ETV6: variants seen among roughly 807,000 people sequenced by gnomAD.
The protein encoded by ETV6 is ETS variant transcription factor 6.
A neutral mutation model predicts 51.1 loss-of-function variants in ETV6; 16 were observed. The ratio of observed to expected loss-of-function variants is 0.31; its 90% confidence interval spans 0.21 to 0.48. The LOEUF (loss-of-function observed/expected upper bound fraction) is 0.48, where lower values mean the gene tolerates loss of function less well. ETV6 is among the 20% of genes least tolerant of loss of function. The pLI, the probability that ETV6 is intolerant of heterozygous loss-of-function variation, is 0.99. For missense variants in ETV6, 458 were observed against 594.8 expected (o/e 0.77, Z 2.39); for synonymous variants, 240 against 224.1 (o/e 1.07, Z -0.64).
chr12:11,669,247 T>C (rs980720693), intron 1 of ETV6, among the ~76,000 whole-genome samples: 1 of 152,144 alleles, frequency 6.6e-6, no homozygotes, highest in Admixed American at 6.6e-5. Flanking sequence ...CAAGCTTGGA[T>C]TGTAAGCGAC....
At chr12:11,794,757 T>G (rs1293425971) in intron 2 of ETV6, among the ~76,000 whole-genome samples, 3 of 152,250 alleles carry the variant, frequency 2.0e-5, no homozygotes, top group African/African-American at 7.2e-5. Flanking sequence ...ACCATTATTT[T>G]ACTTGGTGGT....
chr12:11,887,560 C>T (rs1947214154), intron 7 of ETV6, among the ~76,000 whole-genome samples: 1 of 151,790 alleles, frequency 6.6e-6, no homozygotes, highest in Admixed American at 6.6e-5. Flanking sequence ...CCATCCTGGC[C>T]AACATGGTGA....
Position 11,823,754 on chromosome 12 carries a change from C to T in ETV6, c.164-15386C>T, listed in dbSNP as rs554186829. ...ATGCGGGATTACAGGTGTGAGCCAC[C>T]GCACCCGGCCAGTAATTCCTTCTAT... On this transcript the variant is annotated intron_variant, in intron 2 of 7. Transcript: ENST00000396373. Among the ~76,000 whole-genome samples the T allele has an allele frequency of 4.6e-5, 7 of 152,256 alleles. No homozygotes were observed. The South Asian group carries it at 6.2e-4, about 14-fold the overall frequency.
chr12:11,865,701 G>A (rs1429908658), intron 4 of ETV6, among the ~76,000 whole-genome samples: 1 of 148,334 alleles, frequency 6.7e-6, no homozygotes, highest in Non-Finnish European at 1.5e-5. Context: ...TATGGTGTGT[G>A]TGTATATATA....
At chr12:11,877,150 G>C (rs1048445926) in intron 5 of ETV6, among the ~76,000 whole-genome samples, 14 of 152,174 alleles carry the variant, frequency 9.2e-5, no homozygotes, top group Non-Finnish European at 1.5e-5. Context: ...GAAGAAAAAA[G>C]TATGAAACTC....
chr12:11,754,313 GA>G (rs929807555), intron 2 of ETV6, among the ~76,000 whole-genome samples: 1 of 151,396 alleles, frequency 6.6e-6, no homozygotes, highest in South Asian at 2.1e-4. Flanking sequence ...CTAGCACAGA[GA>G]AAAAAAAAGT....
chr12:11,859,118 GGT>G lies in ETV6; in HGVS notation c.463+5558_463+5559del, dbSNP rs1389902693. Among the ~76,000 whole-genome samples the G allele has an allele frequency of 4.2e-3, 174 of 41,800 alleles. 75 individuals are homozygous for G. Among genetic ancestry groups the G allele is most frequent in the Middle Eastern group, 0.024 (2 of 84 alleles). 27.4% of individuals were successfully genotyped at this position (41,800 alleles called of 152,430 possible). On this transcript the variant is annotated intron_variant, in intron 4 of 7. Coordinates refer to ENST00000396373, the MANE Select transcript of ETV6 (RefSeq NM_001987.5). ...TAAAGAAGATGAGGTATATGAATCT[GGT>G]TTTTTTTTTTTTTTTTTTTTTTTTT...
At chr12:11,665,717 G>A (rs2120666628) in intron 1 of ETV6, among the ~76,000 whole-genome samples, 1 of 152,350 alleles carries the variant, frequency 6.6e-6, no homozygotes, top group Middle Eastern at 3.4e-3. Context: ...GAGGGTTGAG[G>A]AAAGAAGAAA....
intron 1 of ETV6, among the ~76,000 whole-genome samples, chr12:11,734,405 G>A (rs565943670): frequency 2.6e-5 from 4 of 151,626 alleles, no homozygotes; most frequent in East Asian, 1.9e-4. Flanking sequence ...TCAGGAGTTC[G>A]AGACCAGCCT....
chr12:11,722,880 A>G (rs1250915135), intron 1 of ETV6, among the ~76,000 whole-genome samples: 4 of 152,226 alleles, frequency 2.6e-5, no homozygotes, highest in African/African-American at 9.6e-5. Context: ...GAATCACCTC[A>G]GGGGCTTTTA....
At chr12:11,829,895 T>C (rs1565542559) in intron 2 of ETV6, among the ~76,000 whole-genome samples, 1 of 152,184 alleles carries the variant, frequency 6.6e-6, no homozygotes, top group South Asian at 2.1e-4. Flanking sequence ...ACAGGATTTG[T>C]TTGCAGAAAG....
chr12:11,838,780 G>C (rs1236438976), intron 2 of ETV6, among the ~76,000 whole-genome samples: 1 of 152,230 alleles, frequency 6.6e-6, no homozygotes, highest in Non-Finnish European at 1.5e-5. Flanking sequence ...CCCTGGAACA[G>C]CCCCTGGAAC....
chr12:11,686,340 G>C (rs1565485701), intron 1 of ETV6, among the ~76,000 whole-genome samples: 1 of 152,178 alleles, frequency 6.6e-6, no homozygotes, highest in Non-Finnish European at 1.5e-5. Context: ...ATTTACTCAA[G>C]CACTCTTCCA....
intron 1 of ETV6, among the ~76,000 whole-genome samples, chr12:11,682,845 T>G (rs1249239703): frequency 3.9e-5 from 6 of 152,206 alleles, no homozygotes; most frequent in Non-Finnish European, 5.9e-5. Flanking sequence ...CTTTCCCCAT[T>G]GCTTGTTTTT....
At chr12:11,814,319 A>C (rs946171147) in intron 2 of ETV6, among the ~76,000 whole-genome samples, 11 of 152,160 alleles carry the variant, frequency 7.2e-5, no homozygotes, top group Admixed American at 2.6e-4. Flanking sequence ...AAAATGTTTT[A>C]TCTTTTCTTG....
chr12:11,858,059 C>G (rs1422760687), intron 4 of ETV6, among the ~76,000 whole-genome samples: 1 of 152,216 alleles, frequency 6.6e-6, no homozygotes, highest in South Asian at 2.1e-4. Flanking sequence ...TTCAGAACTT[C>G]AGATAATGTT....
chr12:11,736,495 G>A (rs1157565041), intron 1 of ETV6, among the ~76,000 whole-genome samples: 2 of 152,210 alleles, frequency 1.3e-5, no homozygotes, highest in Non-Finnish European at 2.9e-5. Flanking sequence ...GCAATATACT[G>A]TTATCTATAA....
chr12:11,696,185 G>A (rs1296013400), intron 1 of ETV6, among the ~76,000 whole-genome samples: 1 of 152,088 alleles, frequency 6.6e-6, no homozygotes, highest in Non-Finnish European at 1.5e-5. Context: ...TCTTTTTTCT[G>A]TATAGCACTT....
intron 2 of ETV6, among the ~76,000 whole-genome samples, chr12:11,818,896 C>T (rs1946035519): frequency 6.6e-6 from 1 of 152,262 alleles, no homozygotes; most frequent in East Asian, 1.9e-4. Context: ...CTGCTCCTCC[C>T]TCCTGGCCCT....
Sources: gnomAD v4.1 joint callset for allele counts (sites outside exome capture counted in the v4.1 genomes callset) on GRCh38, gnomAD v4.1.1 for gene constraint, MANE v1.5 for transcripts, NCBI Gene and HGNC (gene_info 2026-07-23, HGNC 2026-07-21) for gene names.